CHL1: variants seen among roughly 807,000 people sequenced by gnomAD.
CHL1 encodes the protein neural cell adhesion molecule L1-like protein.
A neutral mutation model predicts 141.9 loss-of-function variants in CHL1; 96 were observed. That is an observed-to-expected ratio of 0.68 (90% CI 0.57 to 0.80). The LOEUF (loss-of-function observed/expected upper bound fraction) is 0.80. CHL1 is among the 30% of genes least tolerant of loss of function. CHL1 has a pLI of 0.00. For missense variants in CHL1, 1,820 were observed against 1,457.2 expected, an observed-to-expected ratio of 1.25 and a Z score of -4.05; for synonymous variants, 613 against 502.2, an observed-to-expected ratio of 1.22 and a Z score of -2.95.
chr3:364,661 G>T (rs1432481607), intron 14 of CHL1, among the ~76,000 whole-genome samples: 2 of 152,050 alleles, frequency 1.3e-5, no homozygotes, highest in East Asian at 1.9e-4. Flanking sequence ...TATACAAAAG[G>T]CATGTTGAGA....
At chr3:396,555 T>G (rs978660123) in intron 24 of CHL1, among the ~76,000 whole-genome samples, 1 of 152,182 alleles carries the variant, frequency 6.6e-6, no homozygotes, top group Non-Finnish European at 1.5e-5. Context: ...TTTTGGAGGA[T>G]GAAAGTGCTG....
intron 2 of CHL1, among the ~76,000 whole-genome samples, chr3:249,058 C>G (rs1250513758): frequency 6.6e-6 from 1 of 152,178 alleles, no homozygotes; most frequent in Non-Finnish European, 1.5e-5. Flanking sequence ...CCATGTAAAA[C>G]ATTGACACAA....
At chr3:380,395 T>C (rs1706887849) in intron 16 of CHL1, among the ~76,000 whole-genome samples, 1 of 152,220 alleles carries the variant, frequency 6.6e-6, no homozygotes, top group African/African-American at 2.4e-5. Flanking sequence ...AAGGCTACAT[T>C]AGATAATATC....
chr3:407,836 A>G lies in CHL1; in HGVS notation c.*2125A>G, dbSNP rs1406010557. On this transcript the variant is annotated 3_prime_UTR_variant, in exon 28 of 28. Transcript: ENST00000256509. ...ATACTGAAATATTAGCTCTTCCTAC[A>G]CTTCGTGTTCCCCTTTAGCTGCCTG... 1.3e-5 allele frequency: 2 copies of G among 152,108 alleles called. No homozygotes were observed. Among genetic ancestry groups the G allele is most frequent in the Non-Finnish European group, 2.9e-5 (2 of 68,018 alleles). The allele number at this position is 152,108 out of a possible 1,614,324, so 9.4% of individuals were successfully genotyped here. A position where few individuals can be genotyped will look rare whatever the true frequency, so the allele number is the denominator to read the frequency against.
intron 1 of CHL1, among the ~76,000 whole-genome samples, chr3:227,414 A>G (rs1376242606): frequency 6.6e-6 from 1 of 152,206 alleles, no homozygotes; most frequent in Admixed American, 6.5e-5. Context: ...GGGAAGACAA[A>G]CATATGAACA....
intron 1 of CHL1, among the ~76,000 whole-genome samples, chr3:228,829 T>A (rs1017325598): frequency 6.6e-6 from 1 of 152,180 alleles, no homozygotes; most frequent in East Asian, 1.9e-4. Flanking sequence ...TGTCTTCTGG[T>A]TCCTAATGGT....
chr3:318,128 A>G lies in CHL1; in HGVS notation c.-94-1555A>G, dbSNP rs1004754295. Among the ~76,000 whole-genome samples the G allele has an allele frequency of 3.3e-5, 5 of 151,940 alleles. No individual in the cohort carries two copies. The Middle Eastern group carries it at 0.01, about 310-fold the overall frequency. ...TAGTATTTTCTTTTATGATTAATAT[A>G]ATTTTGTTCTCAAAGTAAAGCATAA... On this transcript the variant is annotated intron_variant, in intron 2 of 27. Coordinates refer to ENST00000256509, the MANE Select transcript of CHL1 (RefSeq NM_006614.4).
intron 2 of CHL1, among the ~76,000 whole-genome samples, chr3:252,421 AATCTCAC>A (rs1693793150): frequency 8.1e-6 from 1 of 123,718 alleles, no homozygotes; most frequent in Admixed American, 9.1e-5. Flanking sequence ...GGTATTTTAA[AATCTCAC>A]TCATGTTTTG....
chr3:345,951 T>G (rs1702735184), intron 9 of CHL1, among the ~76,000 whole-genome samples: 1 of 152,208 alleles, frequency 6.6e-6, no homozygotes, highest in Non-Finnish European at 1.5e-5. Flanking sequence ...CCTTCCGAAC[T>G]TACGGTCCTT....
At chr3:340,993 A>T (rs942086793) in intron 6 of CHL1, 77 bp downstream of exon 6, 1 of 1,412,400 alleles carries the variant, frequency 7.1e-7, no homozygotes, top group Non-Finnish European at 9.7e-7. Context: ...AATGAATCCA[A>T]AGACAAAATA....
chr3:286,737 C>G (rs1227880460), intron 2 of CHL1, among the ~76,000 whole-genome samples: 3 of 151,932 alleles, frequency 2.0e-5, no homozygotes, highest in African/African-American at 7.3e-5. Flanking sequence ...TAATGCTAAA[C>G]AAGGGGTGGA....
chr3:205,957 G>C (rs1347549177), intron 1 of CHL1, among the ~76,000 whole-genome samples: 1 of 152,160 alleles, frequency 6.6e-6, no homozygotes, highest in Admixed American at 6.5e-5. Context: ...TTCAAACTCA[G>C]AAGTGTCTGA....
At chr3:224,189 G>A in intron 1 of CHL1, among the ~76,000 whole-genome samples, 1 of 152,032 alleles carries the variant, frequency 6.6e-6, no homozygotes. Context: ...GAACAAGGAG[G>A]GAGTAGTTTG....
chr3:333,132 TA>T (rs67576242), intron 5 of CHL1, among the ~76,000 whole-genome samples: 2,805 of 96,132 alleles, frequency 0.029, 480 homozygotes, highest in African/African-American at 0.11. Context: ...CTATTTTTTT[TA>T]TTTTTTTTTT....
chr3:325,907 C>T (rs1022320548), intron 3 of CHL1, 52 bp from the exon 4 acceptor site: 35 of 1,242,600 alleles, frequency 2.8e-5, no homozygotes, highest in Non-Finnish European at 3.9e-5. Flanking sequence ...TATAGATTAA[C>T]CTTGCCTGCT....
At chr3:263,601 T>C (rs1438361875) in intron 2 of CHL1, among the ~76,000 whole-genome samples, 4 of 152,260 alleles carry the variant, frequency 2.6e-5, no homozygotes, top group African/African-American at 9.6e-5. Flanking sequence ...ATCATTCACG[T>C]ATCTCTGTAT....
At chr3:284,425 A>G (rs1357136824) in intron 2 of CHL1, among the ~76,000 whole-genome samples, 3 of 152,212 alleles carry the variant, frequency 2.0e-5, no homozygotes, top group African/African-American at 7.2e-5. Context: ...CATATTTGTG[A>G]AAAACACCAG....
At chr3:310,659 G>A (rs1019090640) in intron 2 of CHL1, among the ~76,000 whole-genome samples, 1 of 152,102 alleles carries the variant, frequency 6.6e-6, no homozygotes, top group African/African-American at 2.4e-5. Flanking sequence ...TACCGGTTCT[G>A]CATATGCACA....
chr3:399,368 G>C (rs567727953), intron 26 of CHL1, among the ~76,000 whole-genome samples: 1 of 152,170 alleles, frequency 6.6e-6, no homozygotes, highest in East Asian at 1.9e-4. Flanking sequence ...ACTGCCGGGC[G>C]CAGTGGCTCA....
Sources: allele counts gnomAD v4.1 joint callset (sites outside exome capture counted in the v4.1 genomes callset), GRCh38; gene constraint gnomAD v4.1.1; transcripts MANE v1.5; gene names NCBI Gene and HGNC (gene_info 2026-07-23, HGNC 2026-07-21).